Variants in ST7 observed in about 807,000 individuals in gnomAD.
ST7 encodes suppressor of tumorigenicity 7 protein.
Under a neutral mutation model 78.7 loss-of-function variants are expected in ST7, and 28 were observed. The ratio of observed to expected loss-of-function variants is 0.36; its 90% CI spans 0.26 to 0.49. The LOEUF (loss-of-function observed/expected upper bound fraction) is 0.49. Ranked by LOEUF, ST7 falls within the 20% of genes least tolerant of loss-of-function variation. The pLI is 0.99. For synonymous variants in ST7, 247 were observed against 249.6 expected (o/e 0.99, Z 0.10); for missense variants, 418 against 696.0 (o/e 0.60, Z 4.49).
intron 1 of ST7, chr7:116,972,884 C>T (rs1480666150): frequency 1.5e-6 from 2 of 1,314,150 alleles, no homozygotes; most frequent in Non-Finnish European, 2.2e-6. Context: ...TTGCCCTTAA[C>T]CGCCTCGATG....
At chr7:117,170,381 A>T (rs1807896012) in intron 9 of ST7, among the ~76,000 whole-genome samples, 1 of 152,248 alleles carries the variant, frequency 6.6e-6, no homozygotes, top group Non-Finnish European at 1.5e-5. Context: ...TTATACTTTT[A>T]TATAAATACA....
intron 1 of ST7, among the ~76,000 whole-genome samples, chr7:116,981,223 T>G (rs1793945584): frequency 6.6e-6 from 1 of 151,780 alleles, no homozygotes; most frequent in African/African-American, 2.4e-5. Flanking sequence ...ATCCTCCCCC[T>G]CAGCTTCCCA....
At chr7:117,092,201 C>G (rs547246515) in intron 1 of ST7, among the ~76,000 whole-genome samples, 80 of 149,438 alleles carry the variant, frequency 5.4e-4, no homozygotes, top group African/African-American at 2.0e-3. Flanking sequence ...ATGGCGTGAA[C>G]CCGGGAGGCG....
intron 1 of ST7, among the ~76,000 whole-genome samples, chr7:117,083,947 G>A (rs1799962763): frequency 6.6e-6 from 1 of 152,114 alleles, no homozygotes; most frequent in Non-Finnish European, 1.5e-5. Context: ...AAAGGAAGCT[G>A]AAACATTATT....
intron 1 of ST7, among the ~76,000 whole-genome samples, chr7:117,038,605 A>G (rs1164925686): frequency 6.6e-6 from 1 of 152,220 alleles, no homozygotes; most frequent in African/African-American, 2.4e-5. Context: ...ATGAGACAGC[A>G]TATGTAAATA....
rs972886986 is a variant in ST7, at chr7:117,214,295, C to T, written c.1405+4358C>T. Among the ~76,000 whole-genome samples, 10 of 152,122 alleles carry T rather than the reference C, an allele frequency of 6.6e-5. No homozygotes were observed. The South Asian group carries it at 1.5e-3, about 22-fold the overall frequency. ...TTTATTTTCTTTTTAGAGATCCCCC[C>T]GCCCCAAAGAATCCACTAAATAATG... is the stretch of plus-strand genomic sequence containing the variant. On this transcript the variant is annotated intron_variant, in intron 13 of 15. Transcript: ENST00000323984.
chr7:117,007,364 G>C (rs1240329659), intron 1 of ST7, among the ~76,000 whole-genome samples: 1 of 152,230 alleles, frequency 6.6e-6, no homozygotes, highest in African/African-American at 2.4e-5. Context: ...GTCTAATTTA[G>C]AGCAAGGAAC....
At chr7:117,205,382 G>GT (rs982252892) in intron 12 of ST7, among the ~76,000 whole-genome samples, 9 of 150,938 alleles carry the variant, frequency 6.0e-5, no homozygotes, top group African/African-American at 1.2e-4. Flanking sequence ...TAATGTACCT[G>GT]TTTTTTTTCA....
chr7:117,109,179 C>T (rs2116870068), intron 2 of ST7, among the ~76,000 whole-genome samples: 1 of 152,248 alleles, frequency 6.6e-6, no homozygotes, highest in Non-Finnish European at 1.5e-5. Context: ...GTCCTGTTCT[C>T]AGGGTAAATG....
chr7:117,186,359 C>T (rs1438433382), intron 10 of ST7, among the ~76,000 whole-genome samples: 3 of 152,010 alleles, frequency 2.0e-5, no homozygotes, highest in Admixed American at 6.5e-5. Flanking sequence ...ATGACAGCAC[C>T]GTGATAACTA....
In ST7 at chr7:117,229,981, T is replaced by G. The variant is rs762245531; in HGVS notation, c.*124T>G. Reference sequence around the variant, plus strand: ...AAGCCATTCCGAGATTTTAAAATGTTCATGGACTATTCCATATTAAAAGCT... The same window carrying G: ...AAGCCATTCCGAGATTTTAAAATGTGCATGGACTATTCCATATTAAAAGCT... On this transcript the variant is annotated 3_prime_UTR_variant, in exon 16 of 16. Coordinates refer to ENST00000323984, the MANE Select transcript of ST7 (RefSeq NM_001369598.1). The G allele has an allele frequency of 1.1e-6, 1 of 876,046 alleles. No individual in the cohort carries two copies. Among genetic ancestry groups the G allele is most frequent in the Non-Finnish European group, 2.0e-6 (1 of 510,152 alleles). The allele number at this position is 876,046 out of a possible 1,614,324, so 54.3% of individuals were successfully genotyped here. A position where few individuals can be genotyped will look rare whatever the true frequency, so the allele number is the denominator to read the frequency against.
chr7:116,972,848 C>A, intron 1 of ST7: 1 of 1,177,300 alleles, frequency 8.5e-7, no homozygotes. Context: ...TCTGCATCAT[C>A]TGCCTGCTGC....
intron 13 of ST7, among the ~76,000 whole-genome samples, chr7:117,211,718 G>A (rs1320498348): frequency 1.3e-5 from 2 of 152,076 alleles, no homozygotes; most frequent in African/African-American, 4.8e-5. Context: ...ATCCTATGAA[G>A]AGTAACTGGA....
At chr7:117,015,895 C>G (rs1182183107) in intron 1 of ST7, among the ~76,000 whole-genome samples, 2 of 152,124 alleles carry the variant, frequency 1.3e-5, no homozygotes, top group African/African-American at 4.8e-5. Flanking sequence ...TTTTCATACC[C>G]AGTGTAATAT....
intron 9 of ST7, among the ~76,000 whole-genome samples, chr7:117,154,039 G>A (rs979651982): frequency 2.6e-5 from 4 of 152,272 alleles, no homozygotes; most frequent in Non-Finnish European, 5.9e-5. Context: ...ACAGAGCATA[G>A]GAGGGGAGGA....
At chr7:117,213,088 T>C (rs1474466303) in intron 13 of ST7, among the ~76,000 whole-genome samples, 1 of 152,192 alleles carries the variant, frequency 6.6e-6, no homozygotes, top group African/African-American at 2.4e-5. Flanking sequence ...CCACCCCAGA[T>C]TGGTGACTTC....
intron 1 of ST7, among the ~76,000 whole-genome samples, chr7:117,080,141 C>T (rs551881532): frequency 1.6e-4 from 25 of 151,650 alleles, no homozygotes; most frequent in Admixed American, 3.9e-4. Flanking sequence ...CCACTACGCC[C>T]GGCTAATTTT....
chr7:117,175,842 C>T (rs183656992), intron 10 of ST7, among the ~76,000 whole-genome samples: 209 of 152,280 alleles, frequency 1.4e-3, no homozygotes, highest in African/African-American at 4.9e-3. Flanking sequence ...CACTATTCTT[C>T]ATTAGTCTTG....
intron 10 of ST7, among the ~76,000 whole-genome samples, chr7:117,177,864 A>G (rs1019055988): frequency 4.6e-5 from 7 of 152,208 alleles, no homozygotes; most frequent in African/African-American, 1.4e-4. Context: ...CTGTATGTCT[A>G]TTGTTTTCTT....
Sources: allele counts gnomAD v4.1 joint callset (sites outside exome capture counted in the v4.1 genomes callset), GRCh38; gene constraint gnomAD v4.1.1; transcripts MANE v1.5; gene names NCBI Gene and HGNC (gene_info 2026-07-23, HGNC 2026-07-21).